DST: variants seen among roughly 807,000 people sequenced by gnomAD.
DST encodes dystonin.
In DST, 253 loss-of-function variants were observed where a neutral mutation model predicts 875.2. The observed-to-expected ratio is 0.29, with a 90% CI of 0.26 to 0.32. The LOEUF is 0.32. Among genes scored for constraint, DST ranks in the 10% least tolerant of loss-of-function variants. The pLI is 1.00. For synonymous variants in DST, 3,124 were observed against 3,197.1 expected, an observed-to-expected ratio of 0.98 and a Z score of 0.77; for missense variants, 8,287 against 9,111.6, an observed-to-expected ratio of 0.91 and a Z score of 3.68.
At chr6:56,845,328 G>A (rs934224307) in intron 4 of DST, among the ~76,000 whole-genome samples, 10 of 152,026 alleles carry the variant, frequency 6.6e-5, no homozygotes, top group Non-Finnish European at 1.2e-4. Context: ...TTCCATTAAT[G>A]CTTAGATAGG....
chr6:56,482,877 C>T lies in DST; in HGVS notation c.21208G>A (p.Ala7070Thr), dbSNP rs1352774928. The change falls in exon 89 of 104, where the codon GCC (alanine) becomes ACC (threonine). Residue 7070 changes from alanine to threonine, a missense_variant and splice_region_variant. Physicochemically the swap from Ala to Thr is moderately conservative, Grantham distance 58. This residue lies in a region of DST where 1,292 missense variants were observed against 1,552.7 expected (regional missense o/e 0.83). Transcript: ENST00000680361. ...LVMNLIDNHK[A>T]FQKELGKRTS... Reference sequence around the variant, plus strand: ...CTCTTCCCCAACTCTTTTTGGAAGGCCTAAGAAGACCATATTTTGAAAAAT... The same window carrying T: ...CTCTTCCCCAACTCTTTTTGGAAGGTCTAAGAAGACCATATTTTGAAAAAT... 1.3e-6 allele frequency: 2 copies of T among 1,496,608 alleles called. No individual in the cohort carries two copies. Among genetic ancestry groups the T allele is most frequent in the African/African-American group, 2.8e-5 (2 of 70,606 alleles). 92.7% of individuals were successfully genotyped at this position (1,496,608 alleles called of 1,614,324 possible).
chr6:56,812,506 G>A (rs967313830), intron 4 of DST, among the ~76,000 whole-genome samples: 1 of 152,064 alleles, frequency 6.6e-6, no homozygotes, highest in Non-Finnish European at 1.5e-5. Context: ...AATCTTATAA[G>A]GGATGAAATA....
chr6:56,578,297 C>A (rs2097906300), intron 50 of DST, among the ~76,000 whole-genome samples: 1 of 152,144 alleles, frequency 6.6e-6, no homozygotes, highest in Non-Finnish European at 1.5e-5. Context: ...ACTGCTTGAG[C>A]CCAGGAAGTC....
chr6:56,856,856 C>T (rs565448214), intron 3 of DST, among the ~76,000 whole-genome samples: 2 of 151,866 alleles, frequency 1.3e-5, no homozygotes, highest in Non-Finnish European at 2.9e-5. Flanking sequence ...CTGAGGAAAC[C>T]CAAGATGTCT....
At chr6:56,837,277 T>G (rs2099794884) in intron 4 of DST, among the ~76,000 whole-genome samples, 1 of 152,202 alleles carries the variant, frequency 6.6e-6, no homozygotes, top group Non-Finnish European at 1.5e-5. Flanking sequence ...TTTAAAAACT[T>G]AAAAAGGAAA....
chr6:56,726,025 A>G (rs2099455144), intron 5 of DST, among the ~76,000 whole-genome samples: 1 of 152,200 alleles, frequency 6.6e-6, no homozygotes, highest in Non-Finnish European at 1.5e-5. Context: ...CATCAACAGC[A>G]TTGTGCCATC....
At position 56,492,954 on chromosome 6, in the gene DST, A is replaced by G; in HGVS notation, c.20530T>C (p.Phe6844Leu). 1 of 1,610,958 alleles carries G rather than the reference A, an allele frequency of 6.2e-7. No individual in the cohort carries two copies. Among genetic ancestry groups the G allele is most frequent in the Non-Finnish European group, 8.5e-7 (1 of 1,178,432 alleles). Residue 6844 changes from phenylalanine to leucine, a missense_variant, in exon 84 of 104, where the codon TTT becomes CTT. Physicochemically the swap from Phe to Leu is conservative, Grantham distance 22. This residue lies in a region of DST where 1,292 missense variants were observed against 1,552.7 expected (regional missense o/e 0.83). Transcript: ENST00000680361. The part of the protein sequence containing the change: ...RPSLILDTVL[F>L]QIDEHKVFAN... ...CATACCTTGTGTTCGTCAATTTGAA[A>G]TAAGACTGTGTCCAAGATGAGACTT...
At chr6:56,517,122 G>T in intron 71 of DST, 76 bp downstream of exon 71, 1 of 1,053,310 alleles carries the variant, frequency 9.5e-7, no homozygotes, top group Non-Finnish European at 1.5e-6. Context: ...ACGGAGAAGT[G>T]TTTTTCTAGG....
intron 41 of DST, 39 bp from the exon 42 acceptor site, chr6:56,603,459 T>C (rs1242178516): frequency 1.3e-6 from 2 of 1,598,688 alleles, no homozygotes; most frequent in African/African-American, 1.3e-5. Flanking sequence ...TACTATTTAG[T>C]GAAAAACCCA....
chr6:56,537,192 T>C (rs1400156937), intron 61 of DST, among the ~76,000 whole-genome samples: 1 of 152,240 alleles, frequency 6.6e-6, no homozygotes, highest in African/African-American at 2.4e-5. Flanking sequence ...AAGTTACTTA[T>C]AAAACCAAGA....
rs139219166 is a variant in DST at position 56,801,853 on chromosome 6, G to A, written c.625+49544C>T. 3.4e-3 allele frequency among the ~76,000 whole-genome samples: 509 copies of A among 151,110 alleles called. 4 individuals carry two copies. The highest frequency in any genetic ancestry group is 0.012 in the African/African-American group (494 of 41,118). ...CAACCTCCACCTCCCGGGTTCAAGC[G>A]ATTCTCCTGACTCAGCCTCCCGAGG... On this transcript the variant is annotated intron_variant, in intron 4 of 103. Coordinates refer to ENST00000680361, the MANE Select transcript of DST (RefSeq NM_001374736.1).
At chr6:56,614,917 C>T in intron 36 of DST, 1 of 990,296 alleles carries the variant, frequency 1.0e-6, no homozygotes, top group Non-Finnish European at 1.2e-6. Context: ...AAAATCCTTC[C>T]CCTCCTCCAA....
At chr6:56,881,395 C>T (rs1467581765) in intron 3 of DST, among the ~76,000 whole-genome samples, 1 of 152,026 alleles carries the variant, frequency 6.6e-6, no homozygotes, top group Non-Finnish European at 1.5e-5. Flanking sequence ...ATCACTTGAA[C>T]CCGGGAGACA....
Position 56,472,211 on chromosome 6 carries a change from G to A in DST, c.22006C>T (p.Pro7336Ser), listed in dbSNP as rs748412527. Residue 7336 changes from proline (P) to serine (S), a missense_variant, in exon 94 of 104, where the codon CCA becomes TCA. Around this residue, in one of 10 missense-constraint regions of DST, gnomAD observed 1,292 missense variants for 1,552.7 expected, o/e 0.83. Coordinates refer to ENST00000680361, the MANE Select transcript of DST (RefSeq NM_001374736.1). The stretch of plus-strand genomic sequence containing the variant: ...CCAGAGGGATACAAGCTTGATGCTG[G>A]AAAGCGTTTTCCTGTGAAGGTATAA... ...DKGRAGRKRF[P>S]ASSLYPSGSQ... is the part of the protein sequence containing the mutation. 6.2e-7 allele frequency: 1 copy of A among 1,613,708 alleles called. No homozygotes were observed. The highest frequency in any genetic ancestry group is 8.5e-7 in the Non-Finnish European group (1 of 1,179,728).
intron 4 of DST, among the ~76,000 whole-genome samples, chr6:56,792,825 T>TG (rs1340041134): frequency 6.6e-6 from 1 of 152,108 alleles, no homozygotes; most frequent in Non-Finnish European, 1.5e-5. Context: ...CCCATCACTT[T>TG]GGGAGGCCAA....
intron 49 of DST, among the ~76,000 whole-genome samples, chr6:56,582,109 C>A (rs1339953830): frequency 6.6e-6 from 1 of 152,118 alleles, no homozygotes; most frequent in African/African-American, 2.4e-5. Flanking sequence ...AAAAAGAATC[C>A]TAACTGTGTT....
chr6:56,522,179 GT>G (rs1370570681), intron 69 of DST, among the ~76,000 whole-genome samples: 14 of 152,130 alleles, frequency 9.2e-5, no homozygotes, highest in Non-Finnish European at 2.1e-4. Context: ...ATTGTTCTAA[GT>G]GCTTAACATG....
intron 49 of DST, among the ~76,000 whole-genome samples, chr6:56,582,464 T>C (rs771131308): frequency 1.5e-4 from 23 of 152,140 alleles, no homozygotes; most frequent in Non-Finnish European, 2.2e-4. Flanking sequence ...CTGCTTTGCC[T>C]TGCACCATGA....
intron 3 of DST, among the ~76,000 whole-genome samples, chr6:56,864,430 A>G (rs1591825320): frequency 6.6e-6 from 1 of 152,048 alleles, no homozygotes; most frequent in African/African-American, 2.4e-5. Context: ...TAAAAGACTT[A>G]TGACTCACCT....
Sources: allele counts gnomAD v4.1 joint callset (sites outside exome capture counted in the v4.1 genomes callset), GRCh38; gene constraint gnomAD v4.1.1; regional missense constraint gnomAD v4.1.1; transcripts MANE v1.5; gene names NCBI Gene and HGNC (gene_info 2026-07-23, HGNC 2026-07-21).